Variants in CRACDL observed in about 807,000 individuals in gnomAD.
The protein encoded by CRACDL is CRACD-like protein.
CRACDL carries 26 observed loss-of-function variants against 70.6 expected under a neutral mutation model. The observed-to-expected ratio is 0.37, with a 90% CI of 0.27 to 0.51. CRACDL has a LOEUF of 0.51. Ranked by LOEUF, CRACDL falls within the 20% of genes least tolerant of loss-of-function variation. CRACDL has a pLI of 0.94. For missense variants in CRACDL, 1,283 were observed against 1,376.9 expected (o/e 0.93, Z 1.08); for synonymous variants, 618 against 615.2 (o/e 1.00, Z -0.07).
intron 1 of CRACDL, among the ~76,000 whole-genome samples, chr2:98,884,879 G>A (rs1707762103): frequency 6.6e-6 from 1 of 152,204 alleles, no homozygotes; most frequent in Non-Finnish European, 1.5e-5. Context: ...TATTCTGTTA[G>A]AGCAGCCTGA....
intron 2 of CRACDL, among the ~76,000 whole-genome samples, chr2:98,843,088 G>A (rs114988276): frequency 0.018 from 2,799 of 152,134 alleles, 90 homozygotes; most frequent in African/African-American, 0.063. Flanking sequence ...TTCTCCAGAC[G>A]TTTAATACGT....
intron 1 of CRACDL, among the ~76,000 whole-genome samples, chr2:98,854,706 C>T (rs867264852): frequency 2.0e-5 from 3 of 151,952 alleles, no homozygotes; most frequent in Non-Finnish European, 4.4e-5. Flanking sequence ...AATAATGAAA[C>T]GTCACATGAA....
In CRACDL at chr2:98,823,613, A is replaced by T. The variant is rs1705191265; in HGVS notation, c.736-76T>A. The stretch of plus-strand genomic sequence containing the variant: ...GCCTGTCACCTCCCCACTTTTTTCA[A>T]GGCTTATAATGGTTTAGTGATAGCA... On this transcript the variant is annotated intron_variant, in intron 6 of 9. Transcript: ENST00000397899. This position sits in a 1 kb window ranked among gnomAD's most constrained non-coding sequence, Gnocchi z 4.0. 6.6e-7 allele frequency: 1 copy of T among 1,516,272 alleles called. No homozygotes were observed. The allele number at this position is 1,516,272 out of a possible 1,614,324, so 93.9% of individuals were successfully genotyped here. A position where few individuals can be genotyped will look rare whatever the true frequency, so the allele number is the denominator to read the frequency against.
Position 98,802,478 on chromosome 2 carries a change from T to G in CRACDL, c.2417-4941A>C, listed in dbSNP as rs536508400. On this transcript the variant is annotated intron_variant, in intron 7 of 9. Coordinates refer to ENST00000397899, the MANE Select transcript of CRACDL (RefSeq NM_207362.3). ...CCCACATTTGGCATTATTACTGAGC[T>G]ATTTGTATTCGGGAAGATCTAAAAT... 5.3e-5 allele frequency among the ~76,000 whole-genome samples: 8 copies of G among 151,426 alleles called. No individual in the cohort carries two copies. The East Asian group carries it at 1.5e-3, about 29-fold the overall frequency.
At chr2:98,900,289 A>G (rs1708242975) in intron 1 of CRACDL, among the ~76,000 whole-genome samples, 1 of 40,836 alleles carries the variant, frequency 2.4e-5, no homozygotes, top group Non-Finnish European at 4.6e-5. Context: ...GAGGGGAGGT[A>G]GGGGACAGAG....
At chr2:98,826,899 G>T in intron 6 of CRACDL, 76 bp downstream of exon 6, 2 of 1,086,584 alleles carry the variant, frequency 1.8e-6, no homozygotes, top group Non-Finnish European at 2.6e-6. Flanking sequence ...GGGGGAGTGA[G>T]GCAGGTTGGG....
intron 7 of CRACDL, among the ~76,000 whole-genome samples, chr2:98,812,406 T>C (rs1704607605): frequency 6.6e-6 from 1 of 152,374 alleles, no homozygotes; most frequent in East Asian, 1.9e-4. Flanking sequence ...TTTAATTTTA[T>C]AAGAAATTGC....
intron 1 of CRACDL, among the ~76,000 whole-genome samples, chr2:98,879,351 G>T (rs1707572893): frequency 6.6e-6 from 1 of 152,154 alleles, no homozygotes. Flanking sequence ...TCAAATAGTT[G>T]ATTTTCTTTG....
intron 1 of CRACDL, among the ~76,000 whole-genome samples, chr2:98,851,495 AG>A (rs1259586635): frequency 6.6e-6 from 1 of 152,158 alleles, no homozygotes; most frequent in Non-Finnish European, 1.5e-5. Context: ...GGTCAGCGTT[AG>A]GGAAGACAGG....
chr2:98,800,621 T>G (rs1197360070), intron 7 of CRACDL, among the ~76,000 whole-genome samples: 1 of 152,132 alleles, frequency 6.6e-6, no homozygotes, highest in Non-Finnish European at 1.5e-5. Context: ...CTCCATGAAG[T>G]CTGTTCTGGT....
chr2:98,925,837 C>G (rs554332423), intron 1 of CRACDL, among the ~76,000 whole-genome samples: 1 of 152,210 alleles, frequency 6.6e-6, no homozygotes, highest in South Asian at 2.1e-4. Context: ...AATCTCTGAG[C>G]TGGAATGGAC....
chr2:98,864,461 G>A (rs1171987520), intron 1 of CRACDL, among the ~76,000 whole-genome samples: 1 of 152,024 alleles, frequency 6.6e-6, no homozygotes, highest in Non-Finnish European at 1.5e-5. Flanking sequence ...TGGGCACAAG[G>A]TTTCTTTCTG....
At chr2:98,816,619 G>A (rs1559208893) in intron 7 of CRACDL, among the ~76,000 whole-genome samples, 1 of 152,182 alleles carries the variant, frequency 6.6e-6, no homozygotes, top group Non-Finnish European at 1.5e-5. Context: ...CAGGAAACAG[G>A]TGGGAATCTG....
rs138131616 is a variant in CRACDL, at chr2:98,907,513, C to T, written c.-11+28425G>A. Among the ~76,000 whole-genome samples the T allele has an allele frequency of 1.1e-3, 168 of 152,308 alleles. 1 individual carries two copies. Among genetic ancestry groups the T allele is most frequent in the African/African-American group, 3.8e-3 (156 of 41,556 alleles). On this transcript the variant is annotated intron_variant, in intron 1 of 9. Transcript: ENST00000397899. ...GAAGACTTCTGAAGTCCCTTCTCTGCTCAGAACCCTCCTCTCCACTACCAT... is the reference window on the plus strand; with the variant it reads ...GAAGACTTCTGAAGTCCCTTCTCTGTTCAGAACCCTCCTCTCCACTACCAT...
At chr2:98,861,210 G>C (rs1011579250) in intron 1 of CRACDL, among the ~76,000 whole-genome samples, 1 of 152,136 alleles carries the variant, frequency 6.6e-6, no homozygotes, top group Admixed American at 6.5e-5. Flanking sequence ...AGCTGGGCGT[G>C]GTGGTGCATA....
intron 1 of CRACDL, among the ~76,000 whole-genome samples, chr2:98,926,394 C>T (rs1248184978): frequency 6.6e-6 from 1 of 152,144 alleles, no homozygotes; most frequent in East Asian, 1.9e-4. Flanking sequence ...TTCTTTCTAT[C>T]CCCTCCCACC....
At chr2:98,824,937 G>C (rs1465108317) in intron 6 of CRACDL, among the ~76,000 whole-genome samples, 1 of 152,182 alleles carries the variant, frequency 6.6e-6, no homozygotes, top group Admixed American at 6.5e-5. Context: ...GCTACTACAG[G>C]AAACTGCTGA....
chr2:98,821,117 C>A (rs761334063), intron 7 of CRACDL, among the ~76,000 whole-genome samples: 9 of 152,232 alleles, frequency 5.9e-5, no homozygotes, highest in Non-Finnish European at 1.2e-4. Context: ...CATGTTTACA[C>A]ACTGACTTCT....
chr2:98,831,890 C>A (rs1470810163), intron 5 of CRACDL, among the ~76,000 whole-genome samples: 1 of 152,140 alleles, frequency 6.6e-6, no homozygotes, highest in African/African-American at 2.4e-5. Context: ...CACATTACTA[C>A]CCCTAGGCCA....
Sources: gnomAD v4.1 joint callset for allele counts (sites outside exome capture counted in the v4.1 genomes callset) on GRCh38, gnomAD v4.1.1 for gene constraint, Gnocchi (gnomAD v3.1) non-coding constraint, MANE v1.5 for transcripts, NCBI Gene and HGNC (gene_info 2026-07-23, HGNC 2026-07-21) for gene names.